The following SQOR variants were observed in gnomAD, a reference collection of about 807,000 sequenced individuals.
The protein encoded by SQOR is sulfide:quinone oxidoreductase, mitochondrial.
Under a neutral mutation model 48.6 loss-of-function variants are expected in SQOR, and 39 were observed. That is an observed-to-expected ratio of 0.80 (90% CI 0.62 to 1.05). The LOEUF is 1.05. Ranked by LOEUF, SQOR falls within the 50% of genes least tolerant of loss-of-function variation. The pLI, the probability that SQOR is intolerant of heterozygous loss-of-function variation, is 0.00. For synonymous variants in SQOR, 220 were observed against 206.2 expected (o/e 1.07, Z -0.57); for missense variants, 561 against 559.9 (o/e 1.00, Z -0.02).
At chr15:45,688,509 G>A in intron 8 of SQOR, 105 bp downstream of exon 8, 1 of 783,550 alleles carries the variant, frequency 1.3e-6, no homozygotes, top group South Asian at 2.3e-5. Flanking sequence ...CTTTTTTTCT[G>A]TTTTTCTTTT....
Position 45,676,193 on chromosome 15 carries a change from C to G in SQOR, c.747C>G (p.Ile249Met). 7 of 1,614,170 alleles carry G rather than the reference C, an allele frequency of 4.3e-6. No homozygotes were observed. The highest frequency in any genetic ancestry group is 5.9e-6 in the Non-Finnish European group (7 of 1,180,038). ...AGTATGCAGATGCCCTGCAGGAGAT[C>G]ATCCAGGAGCGGAACCTCACTGTTA... ...VKKYADALQE[I>M]IQERNLTVNY... The change falls in exon 6 of 10, where the codon ATC (isoleucine) becomes ATG (methionine). Residue 249 changes from isoleucine (I) to methionine (M), a missense_variant. Physicochemically the swap from Ile to Met is conservative, Grantham distance 10. Coordinates refer to ENST00000260324, the MANE Select transcript of SQOR (RefSeq NM_021199.4).
chr15:45,667,650 G>T (rs1889856883), intron 3 of SQOR, among the ~76,000 whole-genome samples: 1 of 152,074 alleles, frequency 6.6e-6, no homozygotes, highest in South Asian at 2.1e-4. Context: ...TCTTAAGCTG[G>T]CATGTTTTTA....
intron 1 of SQOR, among the ~76,000 whole-genome samples, chr15:45,637,701 C>G (rs1372326406): frequency 6.6e-6 from 1 of 152,138 alleles, no homozygotes; most frequent in Non-Finnish European, 1.5e-5. Context: ...GAAAATGAAA[C>G]TGAATGTTGA....
At chr15:45,651,900 T>G (rs559270995) in intron 1 of SQOR, among the ~76,000 whole-genome samples, 6 of 152,308 alleles carry the variant, frequency 3.9e-5, no homozygotes, top group Non-Finnish European at 7.3e-5. Context: ...CTTCTTTCTT[T>G]TTTTTAAAAA....
At chr15:45,683,887 TA>T (rs1890171011) in intron 7 of SQOR, among the ~76,000 whole-genome samples, 1 of 140,190 alleles carries the variant, frequency 7.1e-6, no homozygotes, top group Non-Finnish European at 1.6e-5. Context: ...TATATATATA[TA>T]TATTTTTGTT....
Position 45,690,871 on chromosome 15 carries a change from A to G in SQOR, c.1296-102A>G, listed in dbSNP as rs1246203682. The G allele has an allele frequency of 4.1e-6, 4 of 982,858 alleles. No homozygotes were observed. The Admixed American group carries it at 5.1e-5, about 13-fold the overall frequency. 60.9% of individuals were successfully genotyped at this position (982,858 alleles called of 1,614,324 possible). ...ACAATCTTGCTTTACGTGCTGATGA[A>G]CATGCTCTGTGAGCAGCCTGGCTTC... On this transcript the variant is annotated intron_variant, in intron 9 of 9. Transcript: ENST00000260324.
upstream of SQOR, chr15:45,631,502 T>C (rs531654781): frequency 6.6e-6 from 1 of 152,200 alleles, no homozygotes; most frequent in African/African-American, 2.4e-5. Flanking sequence ...AGGGTATGAG[T>C]TGTTTCTCTA....
chr15:45,631,541 G>C (rs1211048736), upstream of SQOR: 1 of 152,272 alleles, frequency 6.6e-6, no homozygotes, highest in Non-Finnish European at 1.5e-5. Flanking sequence ...ATTTGCAGCA[G>C]GGAAGGGATG....
chr15:45,665,112 G>A (rs1274531493), intron 3 of SQOR, among the ~76,000 whole-genome samples: 4 of 152,138 alleles, frequency 2.6e-5, no homozygotes, highest in African/African-American at 9.7e-5. Context: ...TTCGGTGGTT[G>A]GGTTCATGCT....
intron 3 of SQOR, among the ~76,000 whole-genome samples, chr15:45,668,751 C>A (rs949989255): frequency 1.3e-5 from 2 of 152,196 alleles, no homozygotes; most frequent in African/African-American, 4.8e-5. Context: ...ATGGTAATCA[C>A]CACCTGTTTC....
At chr15:45,661,520 G>T (rs920476489) in intron 2 of SQOR, among the ~76,000 whole-genome samples, 1 of 152,098 alleles carries the variant, frequency 6.6e-6, no homozygotes, top group Non-Finnish European at 1.5e-5. Context: ...ACCTCTGGAA[G>T]GGGCTGTAAA....
intron 2 of SQOR, among the ~76,000 whole-genome samples, chr15:45,660,222 G>T (rs914343635): frequency 3.9e-5 from 6 of 152,214 alleles, no homozygotes; most frequent in Admixed American, 1.3e-4. Flanking sequence ...TCAGGTGCCT[G>T]TTTCAGGGGG....
chr15:45,672,805 G>A (rs910299635), intron 4 of SQOR, among the ~76,000 whole-genome samples: 1 of 152,164 alleles, frequency 6.6e-6, no homozygotes, highest in Non-Finnish European at 1.5e-5. Flanking sequence ...GTACATGCAT[G>A]GCCTCATTTG....
chr15:45,684,249 T>A (rs1213451018), intron 7 of SQOR, among the ~76,000 whole-genome samples: 6 of 152,128 alleles, frequency 3.9e-5, no homozygotes, highest in Non-Finnish European at 8.8e-5. Context: ...TGTCCTTTTT[T>A]GTCCCAGCCC....
intron 2 of SQOR, among the ~76,000 whole-genome samples, chr15:45,661,436 AAGAAGGGCTGTTC>A (rs1889719263): frequency 6.6e-6 from 1 of 152,122 alleles, no homozygotes; most frequent in Non-Finnish European, 1.5e-5. Context: ...GAGAAAGTAG[AAGAAGGGCTGTTC>A]AGGAAACACA....
At chr15:45,672,381 ATATTAT>A (rs1393893176) in intron 4 of SQOR, among the ~76,000 whole-genome samples, 1 of 152,152 alleles carries the variant, frequency 6.6e-6, no homozygotes, top group Non-Finnish European at 1.5e-5. Context: ...AATAATAATG[ATATTAT>A]TATTGAGACT....
At chr15:45,670,644 C>G (rs1475732565) in intron 4 of SQOR, among the ~76,000 whole-genome samples, 1 of 152,210 alleles carries the variant, frequency 6.6e-6, no homozygotes, top group Non-Finnish European at 1.5e-5. Context: ...CAGGAAACAT[C>G]TGTGCTAACC....
intron 9 of SQOR, among the ~76,000 whole-genome samples, chr15:45,690,121 C>G (rs112548182): frequency 2.0e-5 from 3 of 147,410 alleles, no homozygotes; most frequent in Non-Finnish European, 3.0e-5. Context: ...TTGCCCTGCC[C>G]GTGGTGTGAT....
At chr15:45,636,693 C>T (rs1355908353) in intron 1 of SQOR, among the ~76,000 whole-genome samples, 7 of 152,056 alleles carry the variant, frequency 4.6e-5, no homozygotes, top group Admixed American at 2.6e-4. Flanking sequence ...TGAGCCACTG[C>T]GCACGGCCAA....
Sources: gnomAD v4.1 joint callset for allele counts (sites outside exome capture counted in the v4.1 genomes callset) on GRCh38, gnomAD v4.1.1 for gene constraint, MANE v1.5 for transcripts, NCBI Gene and HGNC (gene_info 2026-07-23, HGNC 2026-07-21) for gene names.